The following IMMP2L variants were observed in gnomAD, a reference collection of about 807,000 sequenced individuals.
IMMP2L encodes mitochondrial inner membrane protease subunit 2.
Under a neutral mutation model 19.3 loss-of-function variants are expected in IMMP2L, and 18 were observed. The observed-to-expected ratio is 0.93, with a 90% CI of 0.64 to 1.38. The LOEUF (loss-of-function observed/expected upper bound fraction) is 1.38, where lower values mean the gene tolerates loss of function less well. IMMP2L is among the 40% of genes most tolerant of loss of function. The probability of loss-of-function intolerance (pLI) is 0.00; values close to 1 mark genes in which losing one functional copy is unlikely to be tolerated. For missense variants in IMMP2L, 233 were observed against 218.2 expected (o/e 1.07, Z -0.43); for synonymous variants, 76 against 73.0 (o/e 1.04, Z -0.21).
chr7:110,928,404 T>C (rs1815101966), intron 4 of IMMP2L, among the ~76,000 whole-genome samples: 1 of 129,356 alleles, frequency 7.7e-6, no homozygotes, highest in Non-Finnish European at 1.7e-5. Flanking sequence ...CACACACAGT[T>C]TCAGCTTCCT....
At chr7:110,699,257 C>T (rs1417781210) in intron 5 of IMMP2L, among the ~76,000 whole-genome samples, 2 of 152,202 alleles carry the variant, frequency 1.3e-5, no homozygotes, top group Non-Finnish European at 2.9e-5. Flanking sequence ...TCAACTGAAT[C>T]TCTAAGTACC....
rs531910517 is a variant in IMMP2L, at chr7:111,217,944, A to G, written c.240-254379T>C. 6.6e-5 allele frequency among the ~76,000 whole-genome samples: 10 copies of G among 152,150 alleles called. No homozygotes were observed. In the South Asian group the frequency reaches 1.4e-3, roughly 22 times the overall value. On this transcript the variant is annotated intron_variant, in intron 3 of 5. Transcript: ENST00000405709. ...GTATCTCTCTGGAGGTGGGTGTTAG[A>G]ATCAACAGGAGCAGTATTTTCATGT...
At chr7:111,393,299 T>A (rs746379110) in intron 3 of IMMP2L, among the ~76,000 whole-genome samples, 1 of 152,080 alleles carries the variant, frequency 6.6e-6, no homozygotes, top group Non-Finnish European at 1.5e-5. Context: ...CTATAATGCT[T>A]TAATCTCTTT....
chr7:111,377,145 T>C lies in IMMP2L; in HGVS notation c.239+110093A>G, dbSNP rs900410577. Among the ~76,000 whole-genome samples, 3 of 151,958 alleles carry C rather than the reference T, an allele frequency of 2.0e-5. 1 individual carries two copies. The highest frequency in any genetic ancestry group is 1.3e-4 in the Admixed American group (2 of 15,202). On this transcript the variant is annotated intron_variant, in intron 3 of 5. Coordinates refer to ENST00000405709, the MANE Select transcript of IMMP2L (RefSeq NM_032549.4). ...TATATATAGTTATTTTCTTCTAATA[T>C]TGGATTTTCCCCCTAGAAGTAGCTC...
intron 3 of IMMP2L, among the ~76,000 whole-genome samples, chr7:111,010,391 C>T (rs1325912212): frequency 6.6e-6 from 1 of 152,008 alleles, no homozygotes; most frequent in East Asian, 1.9e-4. Context: ...CATGTTTAAT[C>T]ATTTTAATGG....
intron 5 of IMMP2L, among the ~76,000 whole-genome samples, chr7:110,768,588 C>A (rs1286982607): frequency 1.3e-5 from 2 of 152,142 alleles, no homozygotes. Context: ...ACTCTTTCTC[C>A]AGGATTGTAT....
intron 5 of IMMP2L, among the ~76,000 whole-genome samples, chr7:110,753,502 A>G (rs1797854464): frequency 6.6e-6 from 1 of 152,078 alleles, no homozygotes; most frequent in South Asian, 2.1e-4. Context: ...TGTATAAAGA[A>G]GCTCACATTT....
At chr7:111,150,468 A>G (rs1188985737) in intron 3 of IMMP2L, among the ~76,000 whole-genome samples, 1 of 152,136 alleles carries the variant, frequency 6.6e-6, no homozygotes, top group Non-Finnish European at 1.5e-5. Flanking sequence ...TTGACAGTAC[A>G]AACTTGCACC....
rs1046298877 is a variant in IMMP2L, at chr7:110,931,919, C to A, written c.305+31581G>T. ...CTTAAGGTCCTGCTTTTCTCGCTAC[C>A]TTAAATACAGACCCTATGTTCTCAC... On this transcript the variant is annotated intron_variant, in intron 4 of 5. Transcript: ENST00000405709. Among the ~76,000 whole-genome samples, 5 of 152,090 alleles carry A rather than the reference C, an allele frequency of 3.3e-5. 1 individual carries two copies. The highest frequency in any genetic ancestry group is 4.1e-4 in the South Asian group (2 of 4,824).
chr7:111,252,519 T>C (rs893859946), intron 3 of IMMP2L, among the ~76,000 whole-genome samples: 60 of 151,988 alleles, frequency 3.9e-4, no homozygotes, highest in African/African-American at 1.5e-3. Flanking sequence ...TACTGGACAA[T>C]GTGATTGGAA....
intron 3 of IMMP2L, among the ~76,000 whole-genome samples, chr7:111,328,559 C>T (rs1170880673): frequency 6.6e-6 from 1 of 151,800 alleles, no homozygotes; most frequent in Non-Finnish European, 1.5e-5. Context: ...ATTTTACAAG[C>T]CCCAATACAG....
chr7:110,906,792 C>T (rs1189772625), intron 4 of IMMP2L, among the ~76,000 whole-genome samples: 1 of 152,070 alleles, frequency 6.6e-6, no homozygotes, highest in Non-Finnish European at 1.5e-5. Flanking sequence ...GTGCTTAGGA[C>T]AGTGCTTGGT....
chr7:110,861,554 C>T (rs1435764641), intron 5 of IMMP2L, among the ~76,000 whole-genome samples: 2 of 151,994 alleles, frequency 1.3e-5, no homozygotes, highest in African/African-American at 4.8e-5. Flanking sequence ...TGTGAGCCAC[C>T]ACATCTGGCC....
At chr7:111,086,013 G>T (rs904901465) in intron 3 of IMMP2L, among the ~76,000 whole-genome samples, 1 of 152,014 alleles carries the variant, frequency 6.6e-6, no homozygotes, top group African/African-American at 2.4e-5. Context: ...AACAACTAAT[G>T]GCTACTAGGG....
intron 3 of IMMP2L, among the ~76,000 whole-genome samples, chr7:111,079,108 A>G (rs1161196076): frequency 2.0e-5 from 3 of 151,930 alleles, no homozygotes; most frequent in Non-Finnish European, 4.4e-5. Flanking sequence ...ATTAAATATG[A>G]CATTAATTTT....
At chr7:111,165,148 C>A (rs1178651983) in intron 3 of IMMP2L, among the ~76,000 whole-genome samples, 1 of 152,048 alleles carries the variant, frequency 6.6e-6, no homozygotes, top group Non-Finnish European at 1.5e-5. Flanking sequence ...ATTCTAGGTA[C>A]CTCATACAAG....
intron 3 of IMMP2L, among the ~76,000 whole-genome samples, chr7:111,254,599 T>C (rs1587066194): frequency 6.6e-6 from 1 of 152,232 alleles, no homozygotes; most frequent in African/African-American, 2.4e-5. Context: ...GTATTAACAT[T>C]TTATAAGTAA....
chr7:111,071,555 C>A (rs1454092447), intron 3 of IMMP2L, among the ~76,000 whole-genome samples: 2 of 151,996 alleles, frequency 1.3e-5, no homozygotes, highest in Non-Finnish European at 2.9e-5. Context: ...ATTATTCAGC[C>A]ATAAGAAGAA....
intron 5 of IMMP2L, among the ~76,000 whole-genome samples, chr7:110,821,333 T>TAACTATA (rs1170923173): frequency 6.6e-6 from 1 of 152,142 alleles, no homozygotes; most frequent in African/African-American, 2.4e-5. Context: ...CTTTACAGTG[T>TAACTATA]AACTATAAAC....
Sources: allele counts gnomAD v4.1 joint callset (sites outside exome capture counted in the v4.1 genomes callset), GRCh38; gene constraint gnomAD v4.1.1; transcripts MANE v1.5; gene names NCBI Gene and HGNC (gene_info 2026-07-23, HGNC 2026-07-21).